The following NCKAP5 variants were observed in gnomAD, a reference collection of about 807,000 sequenced individuals.
The protein encoded by NCKAP5 is nck-associated protein 5.
Under a neutral mutation model 167.0 loss-of-function variants are expected in NCKAP5, and 92 were observed. The ratio of observed to expected loss-of-function variants is 0.55; its 90% CI spans 0.47 to 0.66. The LOEUF (loss-of-function observed/expected upper bound fraction) is 0.66. Ranked by LOEUF, NCKAP5 falls within the 30% of genes least tolerant of loss-of-function variation. The pLI is 0.00. For missense variants in NCKAP5, 2,378 were observed against 2,315.0 expected (o/e 1.03, Z -0.56); for synonymous variants, 891 against 877.4 (o/e 1.02, Z -0.27).
At chr2:133,285,746 C>T (rs1274041729) in intron 4 of NCKAP5, among the ~76,000 whole-genome samples, 2 of 152,134 alleles carry the variant, frequency 1.3e-5, no homozygotes, top group African/African-American at 4.8e-5. Flanking sequence ...AGCAGGACAC[C>T]CAAAAGTTAA....
At chr2:132,866,445 ATTG>A (rs1230781671) in intron 10 of NCKAP5, among the ~76,000 whole-genome samples, 2 of 152,182 alleles carry the variant, frequency 1.3e-5, no homozygotes, top group African/African-American at 4.8e-5. Context: ...TCACTTTTGT[ATTG>A]TTGTTCTAAA....
intron 4 of NCKAP5, among the ~76,000 whole-genome samples, chr2:133,274,700 A>G (rs942959753): frequency 6.6e-6 from 1 of 152,026 alleles, no homozygotes; most frequent in Non-Finnish European, 1.5e-5. Flanking sequence ...GACTCAGGGT[A>G]TATGAAAGAA....
intron 2 of NCKAP5, among the ~76,000 whole-genome samples, chr2:133,530,183 C>A (rs1685250701): frequency 1.3e-5 from 2 of 151,914 alleles, no homozygotes; most frequent in African/African-American, 4.8e-5. Flanking sequence ...TTAAAGTATT[C>A]CTCCCACGGA....
intron 3 of NCKAP5, among the ~76,000 whole-genome samples, chr2:133,322,907 T>A (rs1374903842): frequency 5.3e-5 from 8 of 152,230 alleles, no homozygotes; most frequent in Non-Finnish European, 2.9e-5. Flanking sequence ...AAAATTTGCA[T>A]TTCTAACAAA....
intron 3 of NCKAP5, among the ~76,000 whole-genome samples, chr2:133,409,148 T>G (rs1688624030): frequency 6.6e-6 from 1 of 152,218 alleles, no homozygotes; most frequent in African/African-American, 2.4e-5. Context: ...CTGAAGCAGT[T>G]TGACCTTGCT....
chr2:132,826,108 G>A (rs1687107868), intron 11 of NCKAP5, among the ~76,000 whole-genome samples: 1 of 152,160 alleles, frequency 6.6e-6, no homozygotes, highest in South Asian at 2.1e-4. Context: ...TAAAATCTAT[G>A]TATGAACTGC....
intron 4 of NCKAP5, among the ~76,000 whole-genome samples, chr2:133,256,786 A>G (rs1009503858): frequency 1.3e-5 from 2 of 152,200 alleles, no homozygotes; most frequent in African/African-American, 4.8e-5. Context: ...ACTAGAGGCC[A>G]TTTATTAACA....
At chr2:132,829,767 G>T (rs1229961113) in intron 11 of NCKAP5, among the ~76,000 whole-genome samples, 1 of 152,144 alleles carries the variant, frequency 6.6e-6, no homozygotes, top group Non-Finnish European at 1.5e-5. Context: ...ATTTCTAAAA[G>T]GTTCCCAGGT....
chr2:133,631,524 G>A, the NCKAP5 span, among the ~76,000 whole-genome samples: 4 of 152,118 alleles, frequency 2.6e-5, no homozygotes, highest in African/African-American at 9.7e-5. Context: ...TCAAATCATT[G>A]CTTGTCCTTA....
At chr2:132,920,754 T>C (rs1199758379) in intron 8 of NCKAP5, among the ~76,000 whole-genome samples, 3 of 76,774 alleles carry the variant, frequency 3.9e-5, no homozygotes, top group Admixed American at 2.4e-4. Context: ...TGTATATATA[T>C]ATGTATATAT....
At chr2:133,175,008 T>C (rs1358599273) in intron 5 of NCKAP5, among the ~76,000 whole-genome samples, 1 of 152,220 alleles carries the variant, frequency 6.6e-6, no homozygotes. Flanking sequence ...GTGTCTGTTT[T>C]CCCACAGCAT....
At chr2:132,708,888 G>C (rs888513377) in intron 19 of NCKAP5, among the ~76,000 whole-genome samples, 3 of 151,946 alleles carry the variant, frequency 2.0e-5, no homozygotes, top group African/African-American at 7.3e-5. Flanking sequence ...ATTTTCTCTA[G>C]GGTGTCCATT....
intron 6 of NCKAP5, among the ~76,000 whole-genome samples, chr2:133,012,965 C>T (rs575939243): frequency 2.0e-4 from 30 of 152,278 alleles, no homozygotes; most frequent in African/African-American, 6.7e-4. Flanking sequence ...TGCCTTCTCT[C>T]GTCTTTCTTA....
Position 133,487,257 on chromosome 2 carries a change from A to G in NCKAP5, c.69+30201T>C, listed in dbSNP as rs371916053. Among the ~76,000 whole-genome samples, 10 of 152,304 alleles carry G rather than the reference A, an allele frequency of 6.6e-5. No individual in the cohort carries two copies. In the East Asian group the frequency reaches 1.5e-3, roughly 24 times the overall value. On this transcript the variant is annotated intron_variant, in intron 3 of 19. Coordinates refer to ENST00000409261, the MANE Select transcript of NCKAP5 (RefSeq NM_207363.3). ...GAGGGAAAAATGAGGAAAACTCAGGAGGAGTAGAGAGACTAGGGAGGAGAT... is the reference window on the plus strand; with the variant it reads ...GAGGGAAAAATGAGGAAAACTCAGGGGGAGTAGAGAGACTAGGGAGGAGAT...
chr2:132,726,086 T>C (rs1194468890), intron 18 of NCKAP5, among the ~76,000 whole-genome samples: 1 of 152,180 alleles, frequency 6.6e-6, no homozygotes, highest in Non-Finnish European at 1.5e-5. Flanking sequence ...CTTTATAGGG[T>C]CTTATTTTTC....
At chr2:133,178,811 C>G (rs2084595635) in intron 5 of NCKAP5, among the ~76,000 whole-genome samples, 1 of 117,882 alleles carries the variant, frequency 8.5e-6, no homozygotes, top group South Asian at 2.7e-4. Flanking sequence ...GGCAACAGAG[C>G]AAGGCAAGAC....
intron 6 of NCKAP5, 110 bp downstream of exon 6, chr2:133,129,868 T>A: frequency 8.0e-7 from 1 of 1,250,284 alleles, no homozygotes; most frequent in Non-Finnish European, 1.1e-6. Flanking sequence ...GTTGGTAAAT[T>A]AGCTCATCAA....
chr2:132,832,668 T>C (rs1014118514), intron 11 of NCKAP5, among the ~76,000 whole-genome samples: 1 of 152,184 alleles, frequency 6.6e-6, no homozygotes, highest in Non-Finnish European at 1.5e-5. Context: ...TGACCTCCAG[T>C]TCCATTCCTG....
intron 6 of NCKAP5, among the ~76,000 whole-genome samples, chr2:133,070,046 T>A (rs1038319913): frequency 1.9e-4 from 29 of 152,104 alleles, no homozygotes; most frequent in Non-Finnish European, 3.5e-4. Context: ...CTTACATATA[T>A]GGTGGTAATC....
Sources: gnomAD v4.1 joint callset for allele counts (sites outside exome capture counted in the v4.1 genomes callset) on GRCh38, gnomAD v4.1.1 for gene constraint, MANE v1.5 for transcripts, NCBI Gene and HGNC (gene_info 2026-07-23, HGNC 2026-07-21) for gene names.